LRP2: variants seen among roughly 807,000 people sequenced by gnomAD.
The protein encoded by LRP2 is LDL receptor related protein 2, also known as low-density lipoprotein receptor-related protein 2.
Under a neutral mutation model 531.0 loss-of-function variants are expected in LRP2, and 172 were observed. The ratio of observed to expected loss-of-function variants is 0.32; its 90% CI spans 0.29 to 0.37. The LOEUF is 0.37. Among genes scored for constraint, LRP2 ranks in the 10% least tolerant of loss-of-function variants. The probability of loss-of-function intolerance (pLI) is 1.00; values close to 1 mark genes in which losing one functional copy is unlikely to be tolerated. For synonymous variants in LRP2, 1,992 were observed against 2,027.6 expected (o/e 0.98, Z 0.47); for missense variants, 5,167 against 5,868.3 (o/e 0.88, Z 3.90).
chr2:169,207,610 C>T (rs1001951284), intron 38 of LRP2, among the ~76,000 whole-genome samples: 1 of 152,176 alleles, frequency 6.6e-6, no homozygotes, highest in African/African-American at 2.4e-5. Context: ...TCTAAATATA[C>T]ATTTTCATAG....
At chr2:169,323,433 TAAAAATAAACC>T (rs1008534800) in intron 1 of LRP2, among the ~76,000 whole-genome samples, 7 of 152,178 alleles carry the variant, frequency 4.6e-5, no homozygotes, top group African/African-American at 9.7e-5. Flanking sequence ...ATGTGTTGTT[TAAAAATAAACC>T]AAAAATAAAC....
rs148765596 is a variant in LRP2, at chr2:169,239,549, A to G, written c.4272T>C (p.Asp1424=). 11 of 1,613,924 alleles carry G rather than the reference A, an allele frequency of 6.8e-6. No homozygotes were observed. The highest frequency in any genetic ancestry group is 9.3e-6 in the Non-Finnish European group (11 of 1,179,930). The change falls in exon 26 of 79, where the codon GAT becomes GAC. Residue 1424 remains aspartate, a synonymous_variant. Transcript: ENST00000649046. ...TACCTGTAACTTTGCAAGTCCTCCC[A>G]TCACTTTCTAACATGTAGCCTGTAT... The part of the protein sequence containing the change: ...SCDTGYMLES[D]GRTCKVTASE...
rs369463419 is a variant in LRP2 at position 169,216,298 on chromosome 2, G to C, written c.5781C>G (p.Asp1927Glu). The change falls in exon 35 of 79, where the codon GAC becomes GAG. Residue 1927 changes from aspartate to glutamate, a missense_variant. Coordinates refer to ENST00000649046, the MANE Select transcript of LRP2 (RefSeq NM_004525.3). ...NLEHLECVTL[D>E]IEEQKLYWAV... Reference sequence around the variant, plus strand: ...CCCAGTAGAGTTTCTGCTCTTCGATGTCAAGAGTGACACACTCCAGGTGTT... The same window carrying C: ...CCCAGTAGAGTTTCTGCTCTTCGATCTCAAGAGTGACACACTCCAGGTGTT... The C allele has an allele frequency of 1.4e-5, 23 of 1,613,492 alleles. No individual in the cohort carries two copies. Among genetic ancestry groups the C allele is most frequent in the Non-Finnish European group, 1.9e-5 (23 of 1,179,676 alleles).
intron 29 of LRP2, among the ~76,000 whole-genome samples, chr2:169,234,905 A>G (rs1689546414): frequency 7.8e-6 from 1 of 128,136 alleles, no homozygotes; most frequent in African/African-American, 3.4e-5. Flanking sequence ...AAATCTAGTT[A>G]ATTTTTGTTT....
intron 26 of LRP2, among the ~76,000 whole-genome samples, chr2:169,238,552 T>G (rs959585018): frequency 3.4e-5 from 5 of 145,290 alleles, no homozygotes; most frequent in Non-Finnish European, 7.4e-5. Context: ...ACTGTGTTTC[T>G]AAATACTAGT....
At position 169,188,232 on chromosome 2, in the gene LRP2, G is replaced by A. The variant is rs374380173; in HGVS notation, c.9066C>T (p.Ser3022=). The A allele has an allele frequency of 9.7e-5, 156 of 1,613,924 alleles. No homozygotes were observed. Among genetic ancestry groups the A allele is most frequent in the Non-Finnish European group, 2.3e-5 (27 of 1,180,002 alleles). Residue 3022 remains serine, a synonymous_variant, in exon 49 of 79, where the codon AGC becomes AGT. Transcript: ENST00000649046. ...TCTGGTATAAGCAGCCCCTCTCGTC[G>A]CTATAGTCACCACAGTCATTGTGCC... is the stretch of plus-strand genomic sequence containing the variant. ...CDRHNDCGDY[S]DERGCLYQTC...
At chr2:169,361,473 A>G (rs144688183) in intron 1 of LRP2, among the ~76,000 whole-genome samples, 113 of 141,776 alleles carry the variant, frequency 8.0e-4, no homozygotes, top group African/African-American at 2.9e-3. Flanking sequence ...CCTTATTCCT[A>G]TTTGCTTCTC....
intron 3 of LRP2, among the ~76,000 whole-genome samples, chr2:169,316,981 G>A (rs1166931794): frequency 6.6e-6 from 1 of 152,142 alleles, no homozygotes; most frequent in East Asian, 1.9e-4. Flanking sequence ...GAGAAGGAAG[G>A]AAAAGTGCCC....
At chr2:169,201,566 T>G (rs1473917650) in intron 44 of LRP2, 62 bp downstream of exon 44, 120 of 1,606,290 alleles carry the variant, frequency 7.5e-5, no homozygotes, top group Non-Finnish European at 8.5e-7. Flanking sequence ...TATAATAATT[T>G]CATCTCCTGT....
intron 19 of LRP2, among the ~76,000 whole-genome samples, chr2:169,254,610 A>T (rs1690223706): frequency 1.3e-5 from 1 of 78,490 alleles, no homozygotes; most frequent in Non-Finnish European, 2.5e-5. Context: ...AACCTGCACA[A>T]TGTGCACATG....
chr2:169,237,309 G>A, intron 27 of LRP2, 22 bp from the exon 28 acceptor site: 2 of 1,559,302 alleles, frequency 1.3e-6, no homozygotes, highest in Non-Finnish European at 1.8e-6. Flanking sequence ...AGTGAATAAA[G>A]AGTGAATTCT....
chr2:169,261,862 C>A (rs377444420), intron 16 of LRP2, among the ~76,000 whole-genome samples: 1 of 151,780 alleles, frequency 6.6e-6, no homozygotes, highest in Non-Finnish European at 1.5e-5. Flanking sequence ...ACTGGCAAAC[C>A]GAATCCAGCA....
chr2:169,207,269 T>A lies in LRP2; in HGVS notation c.6470-19A>T. 1.3e-6 allele frequency: 2 copies of A among 1,565,238 alleles called. No individual in the cohort carries two copies. The highest frequency in any genetic ancestry group is 1.8e-6 in the Non-Finnish European group (2 of 1,135,874). On this transcript the variant is annotated intron_variant, in intron 38 of 78. Coordinates refer to ENST00000649046, the MANE Select transcript of LRP2 (RefSeq NM_004525.3). ...AGATTTCCTATGGGAAAAATGAAAG[T>A]GCATGCTGATCAATGGAGAACCAAG... is the stretch of plus-strand genomic sequence containing the variant.
intron 39 of LRP2, 69 bp downstream of exon 39, chr2:169,206,261 T>C (rs1688382429): frequency 6.2e-7 from 1 of 1,606,526 alleles, no homozygotes; most frequent in Non-Finnish European, 8.5e-7. Flanking sequence ...TTAGAAACAC[T>C]CAGTCATCCA....
chr2:169,321,358 TA>T (rs1195999384), intron 1 of LRP2, among the ~76,000 whole-genome samples: 1 of 151,330 alleles, frequency 6.6e-6, no homozygotes, highest in African/African-American at 2.4e-5. Flanking sequence ...ATTAGTAACT[TA>T]AAAAATGGTT....
At chr2:169,332,949 C>T (rs1395663680) in intron 1 of LRP2, among the ~76,000 whole-genome samples, 1 of 152,158 alleles carries the variant, frequency 6.6e-6, no homozygotes, top group Non-Finnish European at 1.5e-5. Flanking sequence ...AGGCATGCCT[C>T]GACCTTGACC....
At chr2:169,361,267 C>G (rs535863074) in intron 1 of LRP2, among the ~76,000 whole-genome samples, 7 of 151,854 alleles carry the variant, frequency 4.6e-5, no homozygotes, top group Non-Finnish European at 7.4e-5. Context: ...CTCGCCGGTT[C>G]CAGCCTCCTC....
Position 169,137,376 on chromosome 2 carries a change from CTG to C in LRP2, c.13620+14_13620+15del, listed in dbSNP as rs1428042265. On this transcript the variant is annotated intron_variant, in intron 76 of 78. Coordinates refer to ENST00000649046, the MANE Select transcript of LRP2 (RefSeq NM_004525.3). ...CGACAGCAGTAACTGAAAGAAAAGACTGTATGGTTTCTCACCTGGATTGGCTG... is the reference window on the plus strand; with the variant it reads ...CGACAGCAGTAACTGAAAGAAAAGACTATGGTTTCTCACCTGGATTGGCTG... The C allele has an allele frequency of 1.9e-6, 3 of 1,552,760 alleles. No individual in the cohort carries two copies. The highest frequency in any genetic ancestry group is 2.7e-5 in the African/African-American group (2 of 73,624).
Position 169,180,446 on chromosome 2 carries a change from A to G in LRP2, c.10169+1002T>C, listed in dbSNP as rs140245966. 2.1e-3 allele frequency among the ~76,000 whole-genome samples: 318 copies of G among 152,366 alleles called. 5 individuals carry two copies. Among genetic ancestry groups the G allele is most frequent in the African/African-American group, 7.3e-3 (302 of 41,578 alleles). On this transcript the variant is annotated intron_variant, in intron 52 of 78. Coordinates refer to ENST00000649046, the MANE Select transcript of LRP2 (RefSeq NM_004525.3). ...CGGTAAATTCTGCAATGAGAATGCT[A>G]AAGGCTACCTTAGTGTAGCAAATGA... is the stretch of plus-strand genomic sequence containing the variant.
Sources: allele counts gnomAD v4.1 joint callset (sites outside exome capture counted in the v4.1 genomes callset), GRCh38; gene constraint gnomAD v4.1.1; transcripts MANE v1.5; gene names NCBI Gene and HGNC (gene_info 2026-07-23, HGNC 2026-07-21).